The following HYLS1 variants were observed in gnomAD, a reference collection of about 807,000 sequenced individuals.
The protein encoded by HYLS1 is centriolar and ciliogenesis-associated protein HYLS1.
A neutral mutation model predicts 29.4 loss-of-function variants in HYLS1; 25 were observed. That is an observed-to-expected ratio of 0.85 (90% CI 0.62 to 1.19). The LOEUF (loss-of-function observed/expected upper bound fraction) is 1.19, where lower values mean the gene tolerates loss of function less well. Among genes scored for constraint, HYLS1 ranks in the 50% most tolerant of loss-of-function variants. The probability of loss-of-function intolerance (pLI) is 0.00; values close to 1 mark genes in which losing one functional copy is unlikely to be tolerated. For synonymous variants in HYLS1, 128 were observed against 126.7 expected (o/e 1.01, Z -0.07); for missense variants, 352 against 365.1 (o/e 0.96, Z 0.29).
intron 2 of HYLS1, 141 bp from the exon 3 acceptor site, chr11:125,899,203 C>G: frequency 1.6e-6 from 1 of 630,126 alleles, no homozygotes; most frequent in Non-Finnish European, 2.8e-6. Flanking sequence ...CTAAACTGTT[C>G]TGATACTACC....
At chr11:125,894,315 G>C in intron 2 of HYLS1, 12 of 1,549,510 alleles carry the variant, frequency 7.7e-6, no homozygotes, top group Non-Finnish European at 1.1e-5. Flanking sequence ...GAAAGTTTGA[G>C]AATACATAAC....
chr11:125,899,795 G>C lies in HYLS1; in HGVS notation c.427G>C (p.Asp143His). Residue 143 changes from aspartate to histidine, a missense_variant, in exon 3 of 3, where the codon GAC (aspartate) becomes CAC (histidine). Transcript: ENST00000425380. ...QRLMNVQFQE[D>H]KESSFDVSQK... Reference sequence around the variant, plus strand: ...GCTGATGAATGTACAGTTCCAGGAAGACAAGGAATCTTCATTTGATGTTTC... The same window carrying C: ...GCTGATGAATGTACAGTTCCAGGAACACAAGGAATCTTCATTTGATGTTTC... 6.2e-7 allele frequency: 1 copy of C among 1,614,202 alleles called. No individual in the cohort carries two copies. Among genetic ancestry groups the C allele is most frequent in the Non-Finnish European group, 8.5e-7 (1 of 1,180,022 alleles).
Position 125,899,516 on chromosome 11 carries a change from C to A in HYLS1, c.148C>A (p.Pro50Thr). 14 of 1,614,126 alleles carry A rather than the reference C, an allele frequency of 8.7e-6. No individual in the cohort carries two copies. The highest frequency in any genetic ancestry group is 1.2e-5 in the Non-Finnish European group (14 of 1,180,012). Residue 50 changes from proline (P) to threonine (T), a missense_variant, in exon 3 of 3, where the codon CCC (proline) becomes ACC (threonine). Physicochemically the swap from Pro to Thr is conservative, Grantham distance 38 (BLOSUM62 -1). Transcript: ENST00000425380. ...AGAAGCCCAATCTATCCAATATGAT[C>A]CCTACAGTAAAGCTTCAGTAGCCCC... The part of the protein sequence containing the change: ...RREAQSIQYD[P>T]YSKASVAPGK...
Position 125,899,923 on chromosome 11 carries a change from C to T in HYLS1, c.555C>T (p.Asp185=). ...EGMGSPAYEQ[D]LIVASRPKSF... Reference sequence around the variant, plus strand: ...TGGGCTCTCCAGCTTACGAACAAGACCTGATTGTTGCCAGCAGACCCAAGT... The same window carrying T: ...TGGGCTCTCCAGCTTACGAACAAGATCTGATTGTTGCCAGCAGACCCAAGT... The change falls in exon 3 of 3, where the codon GAC becomes GAT. Residue 185 remains aspartate (D), a synonymous_variant. Coordinates refer to ENST00000425380, the MANE Select transcript of HYLS1 (RefSeq NM_001134793.2). 1.2e-6 allele frequency: 2 copies of T among 1,614,174 alleles called. No homozygotes were observed. The highest frequency in any genetic ancestry group is 1.7e-6 in the Non-Finnish European group (2 of 1,180,028).
Position 125,891,488 on chromosome 11 carries a change from A to AAC in HYLS1, c.-26+17_-26+18insCA, listed in dbSNP as rs1177473067. The AAC allele has an allele frequency of 6.6e-6, 1 of 151,104 alleles. No individual in the cohort carries two copies. The highest frequency in any genetic ancestry group is 1.5e-5 in the Non-Finnish European group (1 of 67,748). The allele number at this position is 151,104 out of a possible 1,614,324, so 9.4% of individuals were successfully genotyped here. A position where few individuals can be genotyped will look rare whatever the true frequency, so the allele number is the denominator to read the frequency against. On this transcript the variant is annotated intron_variant, in intron 2 of 2. Transcript: ENST00000425380. ...TTGAAATAAGGTAAGAAATTGAAAA[A>AAC]AAAAAAAAAAAACCTTGGTTTGCAC...
rs1466499019 is a variant in HYLS1 at position 125,899,618 on chromosome 11, G to A, written c.250G>A (p.Glu84Lys). ...TAATGTCCCTTCAGAAACAGTCTCT[G>A]AGGCCTCCCAAAGACTCCGAAAGCC... Reference protein sequence around the residue: ...ESNVPSETVSEASQRLRKPVM... With the variant: ...ESNVPSETVSKASQRLRKPVM... The change falls in exon 3 of 3, where the codon GAG becomes AAG. Residue 84 changes from glutamate to lysine, a missense_variant. Transcript: ENST00000425380. 6.2e-7 allele frequency: 1 copy of A among 1,614,176 alleles called. No homozygotes were observed. Among genetic ancestry groups the A allele is most frequent in the African/African-American group, 1.3e-5 (1 of 75,048 alleles).
rs866111133 is a variant in HYLS1, at chr11:125,900,636, T to C, written c.*368T>C. 23 of 265,400 alleles carry C rather than the reference T, an allele frequency of 8.7e-5. 1 individual carries two copies. Among genetic ancestry groups the C allele is most frequent in the South Asian group, 8.1e-4 (17 of 21,112 alleles). 16.4% of individuals were successfully genotyped at this position (265,400 alleles called of 1,614,324 possible). A position where few individuals can be genotyped will look rare whatever the true frequency, so the allele number is the denominator to read the frequency against. On this transcript the variant is annotated 3_prime_UTR_variant, in exon 3 of 3. Transcript: ENST00000425380. ...CATTACACTTACCAATTAAAGAATT[T>C]TGGAAATTCATGAACTTGAACATTA...
At chr11:125,898,332 T>C (rs1944653117) in intron 2 of HYLS1, among the ~76,000 whole-genome samples, 1 of 152,312 alleles carries the variant, frequency 6.6e-6, no homozygotes, top group African/African-American at 2.4e-5. Context: ...TTGATGTGGA[T>C]ACCAAGTTAT....
At chr11:125,899,066 A>C in intron 2 of HYLS1, 1 of 346,242 alleles carries the variant, frequency 2.9e-6, no homozygotes. Flanking sequence ...TGTAGTTTCA[A>C]GCTTTTCTTA....
chr11:125,895,229 T>G (rs1433598790), intron 2 of HYLS1: 1 of 1,582,838 alleles, frequency 6.3e-7, no homozygotes, highest in East Asian at 2.2e-5. Context: ...CTCACCTATA[T>G]TGAGGCTTTT....
chr11:125,892,521 C>T (rs1409784598), intron 2 of HYLS1, among the ~76,000 whole-genome samples: 4 of 152,176 alleles, frequency 2.6e-5, no homozygotes. Flanking sequence ...GTATGTGGTA[C>T]TACCAGCCAC....
At chr11:125,888,567 GA>G (rs897586727) in intron 1 of HYLS1, among the ~76,000 whole-genome samples, 3 of 152,166 alleles carry the variant, frequency 2.0e-5, no homozygotes, top group South Asian at 4.2e-4. Context: ...TCAGGAGTTC[GA>G]GACCAGCCCG....
In HYLS1 at chr11:125,893,917, G is replaced by C; in HGVS notation, c.-26+2445G>C. 3 of 1,614,084 alleles carry C rather than the reference G, an allele frequency of 1.9e-6. No individual in the cohort carries two copies. In the South Asian group the frequency reaches 3.3e-5, roughly 18 times the overall value. On this transcript the variant is annotated intron_variant, in intron 2 of 2. Transcript: ENST00000425380. ...TTTCTTCCTCATGGAATAAATGTGG[G>C]TGCTCAATTCGTCCCCTACGTACAA...
chr11:125,892,843 T>A (rs1264814705), intron 2 of HYLS1, among the ~76,000 whole-genome samples: 1 of 152,240 alleles, frequency 6.6e-6, no homozygotes, highest in Non-Finnish European at 1.5e-5. Context: ...CTGCAAAATC[T>A]AAGCTTTTTA....
chr11:125,885,258 C>T (rs1383393629), upstream of HYLS1, among the ~76,000 whole-genome samples: 1 of 152,100 alleles, frequency 6.6e-6, no homozygotes, highest in East Asian at 1.9e-4. Flanking sequence ...CAAGACTAGC[C>T]TGGCCAATAT....
At chr11:125,894,197 A>T (rs750549619) in intron 2 of HYLS1, 7 of 1,614,110 alleles carry the variant, frequency 4.3e-6, no homozygotes, top group Non-Finnish European at 5.9e-6. Flanking sequence ...TAGGTGGGTA[A>T]TATTGAACTC....
rs755231389 is a variant in HYLS1, at chr11:125,894,006, G to A, written c.-26+2534G>A. 20 of 1,614,126 alleles carry A rather than the reference G, an allele frequency of 1.2e-5. No homozygotes were observed. Among genetic ancestry groups the A allele is most frequent in the East Asian group, 8.9e-5 (4 of 44,886 alleles). On this transcript the variant is annotated intron_variant, in intron 2 of 2. Coordinates refer to ENST00000425380, the MANE Select transcript of HYLS1 (RefSeq NM_001134793.2). ...CGGTCCATGAGGGGCTTATATGTGC[G>A]CATCTTCACTCCTTCTACAAAGGCA...
intron 1 of HYLS1, among the ~76,000 whole-genome samples, chr11:125,889,084 C>T (rs998421716): frequency 6.6e-6 from 1 of 152,066 alleles, no homozygotes; most frequent in African/African-American, 2.4e-5. Flanking sequence ...TAAATAATTG[C>T]ATGTTACAAA....
At chr11:125,886,520 G>A (rs1274643181), upstream of HYLS1, among the ~76,000 whole-genome samples, 2 of 150,368 alleles carry the variant, frequency 1.3e-5, no homozygotes. Flanking sequence ...AACCCTGAGG[G>A]CCTCTCCTCT....
Sources: gnomAD v4.1 joint callset for allele counts (sites outside exome capture counted in the v4.1 genomes callset) on GRCh38, gnomAD v4.1.1 for gene constraint, MANE v1.5 for transcripts, NCBI Gene and HGNC (gene_info 2026-07-23, HGNC 2026-07-21) for gene names.